MED4: variants seen among roughly 807,000 people sequenced by gnomAD.
The protein encoded by MED4 is mediator of RNA polymerase II transcription subunit 4.
A neutral mutation model predicts 35.0 loss-of-function variants in MED4; 21 were observed. That is an observed-to-expected ratio of 0.60 (90% CI 0.43 to 0.86). The LOEUF is 0.86. Among genes scored for constraint, MED4 ranks in the 40% least tolerant of loss-of-function variants. The probability of loss-of-function intolerance (pLI) is 0.00; values close to 1 mark genes in which losing one functional copy is unlikely to be tolerated. For missense variants in MED4, 300 were observed against 319.4 expected, an observed-to-expected ratio of 0.94 and a Z score of 0.46; for synonymous variants, 138 against 114.0, an observed-to-expected ratio of 1.21 and a Z score of -1.34.
chr13:48,081,234 T>C (rs1950805969), intron 5 of MED4, among the ~76,000 whole-genome samples: 7 of 152,238 alleles, frequency 4.6e-5, no homozygotes, highest in South Asian at 2.1e-4. Context: ...GTTGGGTGCG[T>C]AGTGCTTTGT....
intron 6 of MED4, among the ~76,000 whole-genome samples, chr13:48,078,631 T>A (rs929631420): frequency 3.3e-5 from 5 of 152,224 alleles, no homozygotes; most frequent in Non-Finnish European, 7.3e-5. Flanking sequence ...CCCTCTCCAA[T>A]GACAGCACCA....
intron 2 of MED4, among the ~76,000 whole-genome samples, chr13:48,089,266 C>T (rs1442634992): frequency 6.6e-6 from 1 of 152,186 alleles, no homozygotes; most frequent in Non-Finnish European, 1.5e-5. Flanking sequence ...TGGATCCCCT[C>T]CTCCCCTTTT....
intron 1 of MED4, among the ~76,000 whole-genome samples, chr13:48,092,176 C>T (rs148185984): frequency 0.025 from 3,768 of 152,228 alleles, 77 homozygotes; most frequent in South Asian, 0.079. Context: ...GGCGCGATCT[C>T]GGCTCACCCC....
intron 5 of MED4, among the ~76,000 whole-genome samples, chr13:48,080,396 C>CAAAAAAAAAAAAAAAAA (rs57198503): frequency 1.5e-5 from 1 of 68,814 alleles, no homozygotes; most frequent in Admixed American, 1.9e-4. Context: ...GACCCTGTCT[C>CAAAAAAAAAAAAAAAAA]AAAAAAAAAA....
intron 3 of MED4, among the ~76,000 whole-genome samples, chr13:48,085,673 A>G (rs1038028028): frequency 1.3e-5 from 2 of 152,176 alleles, no homozygotes; most frequent in African/African-American, 4.8e-5. Context: ...AAGCTCAGCT[A>G]TTTCTGCAAT....
At chr13:48,084,265 C>CAAAAAAAAAAAAAAAAAAAAAAAAAAAA (rs71099664) in intron 3 of MED4, among the ~76,000 whole-genome samples, 9 of 109,952 alleles carry the variant, frequency 8.2e-5, no homozygotes, top group African/African-American at 2.9e-4. Context: ...GACTCTGTCT[C>CAAAAAAAAAAAAAAAAAAAAAAAAAAAA]AAAAAAAAAA....
intron 2 of MED4, among the ~76,000 whole-genome samples, chr13:48,088,744 C>G (rs1950870113): frequency 6.6e-6 from 1 of 152,226 alleles, no homozygotes; most frequent in South Asian, 2.1e-4. Context: ...TCCGTCCACC[C>G]TGGAGCTTAT....
chr13:48,090,537 G>T (rs867835325), intron 1 of MED4, 119 bp from the exon 2 acceptor site: 1 of 673,674 alleles, frequency 1.5e-6, no homozygotes, highest in Non-Finnish European at 2.4e-6. Context: ...CGCTTGTGCC[G>T]GTTACCAAAC....
At chr13:48,083,583 A>G (rs1213310633) in intron 3 of MED4, among the ~76,000 whole-genome samples, 155 bp from the exon 4 acceptor site, 1 of 152,226 alleles carries the variant, frequency 6.6e-6, no homozygotes, top group Non-Finnish European at 1.5e-5. Context: ...ATACCACTTG[A>G]CATTATTTAT....
Position 48,081,661 on chromosome 13 carries a change from T to G in MED4, c.492A>C (p.Pro164=). 1.9e-6 allele frequency: 3 copies of G among 1,611,120 alleles called. No homozygotes were observed. Among genetic ancestry groups the G allele is most frequent in the Non-Finnish European group, 2.5e-6 (3 of 1,178,776 alleles). The change falls in exon 5 of 7, where the codon CCA becomes CCC. Residue 164 remains proline, a synonymous_variant. Transcript: ENST00000258648. The part of the protein sequence containing the change: ...RISASNAVCA[P]LTWVPGDPRR... Reference sequence around the variant, plus strand: ...TATGTTTACCTGGAACCCAGGTCAGTGGAGCACATACAGCATTACTTGCAC... The same window carrying G: ...TATGTTTACCTGGAACCCAGGTCAGGGGAGCACATACAGCATTACTTGCAC...
intron 1 of MED4, among the ~76,000 whole-genome samples, chr13:48,091,532 G>A (rs569919825): frequency 6.6e-6 from 1 of 152,074 alleles, no homozygotes; most frequent in Non-Finnish European, 1.5e-5. Context: ...ATGTCAATTA[G>A]ACCCAACCCT....
intron 1 of MED4, among the ~76,000 whole-genome samples, chr13:48,092,281 AT>A (rs201323627): frequency 0.04 from 5,930 of 146,532 alleles, 252 homozygotes; most frequent in East Asian, 0.099. Flanking sequence ...CTAATTTTGT[AT>A]TTTTTTTTTA....
intron 6 of MED4, among the ~76,000 whole-genome samples, chr13:48,079,325 C>T (rs1950786817): frequency 6.6e-6 from 1 of 152,100 alleles, no homozygotes; most frequent in Non-Finnish European, 1.5e-5. Flanking sequence ...AGGCCAAATG[C>T]CTGAGGAAGA....
In MED4 at chr13:48,083,473, T is replaced by C. The variant is rs906832502; in HGVS notation, c.364-45A>G. 6 of 1,535,230 alleles carry C rather than the reference T, an allele frequency of 3.9e-6. No homozygotes were observed. The South Asian group carries it at 5.8e-5, about 15-fold the overall frequency. On this transcript the variant is annotated intron_variant, in intron 3 of 6. Transcript: ENST00000258648. The stretch of plus-strand genomic sequence containing the variant: ...AAAAACGTGGTTTATTCTTCAACTA[T>C]ATCAAACTTAGTTTTTGGCTTAATT...
In MED4 at chr13:48,094,935, C is replaced by T; in HGVS notation, c.125+19G>A. On this transcript the variant is annotated intron_variant, in intron 1 of 6. Transcript: ENST00000258648. ...CCCCCGGCCCAGCTCCAGCCCGGCT[C>T]TCAGGCTCGCCGCATTACCTAGACA... 1 of 1,600,898 alleles carries T rather than the reference C, an allele frequency of 6.2e-7. No homozygotes were observed.
In MED4 at chr13:48,083,301, C is replaced by T. The variant is rs1950823567; in HGVS notation, c.421+70G>A. ...AGCAGCAAATGATTATCAGTAATATCCTCTTGTATTGGTTTCCTGAAACCA... is the reference window on the plus strand; with the variant it reads ...AGCAGCAAATGATTATCAGTAATATTCTCTTGTATTGGTTTCCTGAAACCA... On this transcript the variant is annotated intron_variant, in intron 4 of 6. Transcript: ENST00000258648. 5.9e-6 allele frequency: 7 copies of T among 1,185,862 alleles called. No individual in the cohort carries two copies. In the Admixed American group the frequency reaches 1.5e-4, roughly 25 times the overall value. The allele number at this position is 1,185,862 out of a possible 1,614,324, so 73.5% of individuals were successfully genotyped here.
At chr13:48,087,304 C>T (rs895928740) in intron 2 of MED4, among the ~76,000 whole-genome samples, 9 of 151,858 alleles carry the variant, frequency 5.9e-5, no homozygotes, top group African/African-American at 2.2e-4. Flanking sequence ...GCAGAGGCTG[C>T]GGTGAGCTGA....
chr13:48,081,513 T>C (rs28662092), intron 5 of MED4, 132 bp downstream of exon 5: 2 of 526,264 alleles, frequency 3.8e-6, no homozygotes, highest in Non-Finnish European at 6.2e-6. Context: ...TTATAAACCA[T>C]TAAAGATGTG....
At chr13:48,084,891 G>A (rs556280704) in intron 3 of MED4, among the ~76,000 whole-genome samples, 5 of 151,602 alleles carry the variant, frequency 3.3e-5, no homozygotes, top group African/African-American at 1.2e-4. Flanking sequence ...TTTTGAGACA[G>A]AGTCTCCCTC....
Sources: allele counts gnomAD v4.1 joint callset (sites outside exome capture counted in the v4.1 genomes callset), GRCh38; gene constraint gnomAD v4.1.1; transcripts MANE v1.5; gene names NCBI Gene and HGNC (gene_info 2026-07-23, HGNC 2026-07-21).